PLA2G6: variants seen among roughly 807,000 people sequenced by gnomAD.
The protein encoded by PLA2G6 is phospholipase A2 group VI.
A neutral mutation model predicts 83.8 loss-of-function variants in PLA2G6; 62 were observed. The ratio of observed to expected loss-of-function variants is 0.74; its 90% CI spans 0.60 to 0.91. PLA2G6 has a LOEUF of 0.91. Ranked by LOEUF, PLA2G6 falls within the 40% of genes least tolerant of loss-of-function variation. PLA2G6 has a pLI of 0.00. For missense variants in PLA2G6, 944 were observed against 1,102.0 expected (o/e 0.86, Z 2.03); for synonymous variants, 417 against 449.8 (o/e 0.93, Z 0.92).
intron 2 of PLA2G6, among the ~76,000 whole-genome samples, chr22:38,166,221 C>T (rs559780742): frequency 2.6e-5 from 4 of 152,156 alleles, no homozygotes; most frequent in Non-Finnish European, 5.9e-5. Flanking sequence ...CATGAAATGT[C>T]CCTGAGGAGG....
At chr22:38,120,940 T>TG (rs1197376840) in intron 11 of PLA2G6, 31 bp from the exon 12 acceptor site, 1 of 1,611,016 alleles carries the variant, frequency 6.2e-7, no homozygotes, top group South Asian at 1.1e-5. Flanking sequence ...GGCGGGGAGA[T>TG]GCAGCGGCCA....
chr22:38,145,189 A>G (rs1429721515), intron 3 of PLA2G6: 1 of 529,090 alleles, frequency 1.9e-6, no homozygotes, highest in Non-Finnish European at 3.4e-6. Flanking sequence ...GTATAGACAC[A>G]TGCTAATTTT....
At chr22:38,161,404 T>A (rs2090004526) in intron 2 of PLA2G6, among the ~76,000 whole-genome samples, 1 of 152,154 alleles carries the variant, frequency 6.6e-6, no homozygotes, top group Non-Finnish European at 1.5e-5. Flanking sequence ...ATCCCATTCA[T>A]GAGGGCTCCA....
Position 38,164,328 on chromosome 22 carries a change from G to A in PLA2G6, c.209+4890C>T, listed in dbSNP as rs147965847. 4.3e-4 allele frequency among the ~76,000 whole-genome samples: 65 copies of A among 152,332 alleles called. No homozygotes were observed. In the East Asian group the frequency reaches 5.2e-3, roughly 12 times the overall value. On this transcript the variant is annotated intron_variant, in intron 2 of 16. Coordinates refer to ENST00000332509, the MANE Select transcript of PLA2G6 (RefSeq NM_003560.4). ...AAACGAGTGGGTTCTGGAGCCAGGT[G>A]ACAGGGTCTGAATAATCGCTACGCT... is the stretch of plus-strand genomic sequence containing the variant.
chr22:38,145,464 C>T lies in PLA2G6; in HGVS notation c.399G>A (p.Glu133=). 3 of 1,610,298 alleles carry T rather than the reference C, an allele frequency of 1.9e-6. No homozygotes were observed. Among genetic ancestry groups the T allele is most frequent in the Middle Eastern group, 1.8e-4 (1 of 5,474 alleles). ...TGATGATACGGCTGTGATGGAAGCACTCGCGGATCCCTAGCTCCACAGCCA... is the reference window on the plus strand; with the variant it reads ...TGATGATACGGCTGTGATGGAAGCATTCGCGGATCCCTAGCTCCACAGCCA... ...AHLAVELGIR[E]CFHHSRIISC... is the part of the protein sequence containing the mutation. The change falls in exon 3 of 17, where the codon GAG becomes GAA. Residue 133 remains glutamate (E), a synonymous_variant. Transcript: ENST00000332509.
chr22:38,149,554 C>T (rs926858449), intron 2 of PLA2G6: 3 of 152,118 alleles, frequency 2.0e-5, no homozygotes, highest in African/African-American at 4.8e-5. Flanking sequence ...AGCATACATA[C>T]ATAAGTGGAG....
intron 4 of PLA2G6, chr22:38,142,194 C>CAAAAAAAAAAAAAAAAAAAAAAAAAAA: frequency 2.2e-5 from 1 of 45,558 alleles, no homozygotes. Context: ...AACTCTGTCT[C>CAAAAAAAAAAAAAAAAAAAAAAAAAAA]AAAAAAAAAA....
At chr22:38,145,707 G>C in intron 2 of PLA2G6, 54 bp from the exon 3 acceptor site, 1 of 1,271,956 alleles carries the variant, frequency 7.9e-7, no homozygotes, top group Non-Finnish European at 1.1e-6. Context: ...CGGGACCCTC[G>C]GCCCACATCC....
chr22:38,164,114 T>A (rs993389756), intron 2 of PLA2G6, among the ~76,000 whole-genome samples: 8 of 152,144 alleles, frequency 5.3e-5, no homozygotes, highest in Non-Finnish European at 1.2e-4. Flanking sequence ...GATTAATCTG[T>A]ACCAGGAACA....
chr22:38,169,522 T>C lies in PLA2G6; in HGVS notation c.-45-51A>G, dbSNP rs2090353132. ...AGCCAGGCACAGTCTCCCATGCCCA[T>C]CTCACCCAGTGCAGCGGTTTCCTGC... is the stretch of plus-strand genomic sequence containing the variant. On this transcript the variant is annotated intron_variant, in intron 1 of 16. Coordinates refer to ENST00000332509, the MANE Select transcript of PLA2G6 (RefSeq NM_003560.4). 4 of 1,021,964 alleles carry C rather than the reference T, an allele frequency of 3.9e-6. No individual in the cohort carries two copies. In the South Asian group the frequency reaches 4.1e-5, roughly 10 times the overall value. The allele number at this position is 1,021,964 out of a possible 1,614,324, so 63.3% of individuals were successfully genotyped here.
Position 38,112,486 on chromosome 22 carries a change from G to T in PLA2G6, c.2276+18C>A. ...CGCCAGGGCACGGGGCCAAGGGCTGGGGCGGCTGAGCCCTCACCTGAAGTA... is the reference window on the plus strand; with the variant it reads ...CGCCAGGGCACGGGGCCAAGGGCTGTGGCGGCTGAGCCCTCACCTGAAGTA... On this transcript the variant is annotated intron_variant, in intron 16 of 16. Coordinates refer to ENST00000332509, the MANE Select transcript of PLA2G6 (RefSeq NM_003560.4). 6.5e-7 allele frequency: 1 copy of T among 1,548,470 alleles called. No homozygotes were observed.
chr22:38,167,534 A>G (rs4497), intron 2 of PLA2G6, among the ~76,000 whole-genome samples: 17,591 of 152,152 alleles, frequency 0.12, 1,233 homozygotes, highest in African/African-American at 0.18. Context: ...CCTGCAGTGG[A>G]GCTCTGAAGC....
intron 10 of PLA2G6, 63 bp downstream of exon 10, chr22:38,126,308 G>C: frequency 8.0e-7 from 1 of 1,243,412 alleles, no homozygotes; most frequent in Non-Finnish European, 1.2e-6. Flanking sequence ...CACAACAGGG[G>C]GTGGGTGAGG....
chr22:38,112,888 CCTCT>C (rs34550422), intron 15 of PLA2G6: 9,616 of 435,442 alleles, frequency 0.022, 25 homozygotes, highest in Non-Finnish European at 0.027. Context: ...CTCCCTCCCT[CCTCT>C]CTCTCTCTCT....
Position 38,145,452 on chromosome 22 carries a change from G to A in PLA2G6, c.411C>T (p.His137=). Residue 137 remains histidine, a synonymous_variant, in exon 3 of 17, where the codon CAC becomes CAT. Transcript: ENST00000332509. Reference sequence around the variant, plus strand: ...CCCTTGCTCACCTGATGATACGGCTGTGATGGAAGCACTCGCGGATCCCTA... The same window carrying A: ...CCCTTGCTCACCTGATGATACGGCTATGATGGAAGCACTCGCGGATCCCTA... ...VELGIRECFH[H]SRIISCANCA... 1 of 1,608,372 alleles carries A rather than the reference G, an allele frequency of 6.2e-7. No homozygotes were observed. Among genetic ancestry groups the A allele is most frequent in the East Asian group, 2.2e-5 (1 of 44,776 alleles).
chr22:38,157,157 C>T (rs1010186545), intron 2 of PLA2G6, among the ~76,000 whole-genome samples: 7 of 151,762 alleles, frequency 4.6e-5, no homozygotes, highest in Non-Finnish European at 1.0e-4. Flanking sequence ...CAAAACAATA[C>T]AAAAGATCAA....
Position 38,126,431 on chromosome 22 carries a change from T to C in PLA2G6, c.1367A>G (p.His456Arg). The change falls in exon 10 of 17, where the codon CAC (histidine) becomes CGC (arginine). Residue 456 changes from histidine (H) to arginine (R), a missense_variant. Physicochemically the swap from His to Arg is conservative, Grantham distance 29. Transcript: ENST00000332509. ...CGCTGGCTTCCGGGCCCGTGAGATG[T>C]GCATGAGATCCTGTAGTTCTGTGAG... ...LNNLELQDLM[H>R]ISRARKPAFI... is the part of the protein sequence containing the mutation. 6.2e-7 allele frequency: 1 copy of C among 1,613,458 alleles called. No homozygotes were observed. Among genetic ancestry groups the C allele is most frequent in the Non-Finnish European group, 8.5e-7 (1 of 1,179,812 alleles).
At chr22:38,178,035 C>T (rs932916711) in intron 1 of PLA2G6, among the ~76,000 whole-genome samples, 5 of 152,174 alleles carry the variant, frequency 3.3e-5, no homozygotes, top group South Asian at 2.1e-4. Flanking sequence ...CAGAGCAAAA[C>T]GTCCTTTCAC....
intron 6 of PLA2G6, chr22:38,133,768 G>A (rs1569265066): frequency 6.6e-6 from 1 of 152,342 alleles, no homozygotes; most frequent in Non-Finnish European, 1.5e-5. Context: ...ATCCTCCCAG[G>A]AGGACAGAGC....
Sources: allele counts gnomAD v4.1 joint callset (sites outside exome capture counted in the v4.1 genomes callset), GRCh38; gene constraint gnomAD v4.1.1; transcripts MANE v1.5; gene names NCBI Gene and HGNC (gene_info 2026-07-23, HGNC 2026-07-21).